The following AP1M1 variants were observed in gnomAD, a reference collection of about 807,000 sequenced individuals.
AP1M1 encodes the protein AP-1 complex subunit mu-1.
In AP1M1, 18 loss-of-function variants were observed where a neutral mutation model predicts 57.1. That is an observed-to-expected ratio of 0.32 (90% confidence interval 0.22 to 0.47). The LOEUF is 0.47. AP1M1 is among the 20% of genes least tolerant of loss of function. AP1M1 has a pLI of 1.00. For synonymous variants in AP1M1, 241 were observed against 237.9 expected (o/e 1.01, Z -0.12); for missense variants, 362 against 593.5 (o/e 0.61, Z 4.05).
chr19:16,214,052 CTTTTTTTTTT>C (rs71178658), intron 5 of AP1M1, among the ~76,000 whole-genome samples: 1 of 139,512 alleles, frequency 7.2e-6, no homozygotes, highest in African/African-American at 2.6e-5. Context: ...TTTCCTTTTT[CTTTTTTTTTT>C]TTTTGAGACA....
At chr19:16,226,989 G>A (rs1051139875) in intron 6 of AP1M1, among the ~76,000 whole-genome samples, 1 of 152,184 alleles carries the variant, frequency 6.6e-6, no homozygotes, top group African/African-American at 2.4e-5. Flanking sequence ...GGGGCCCAGG[G>A]CCTGGTTTTG....
At position 16,228,263 on chromosome 19, in the gene AP1M1, AG is replaced by A; in HGVS notation, c.888+57del. ...CCTTCTGGTGTCTCTGGCCCGTCCCAGGAGCCTAACCGAGGGCTGGGGGTGC... is the reference window on the plus strand; with the variant it reads ...CCTTCTGGTGTCTCTGGCCCGTCCCAGAGCCTAACCGAGGGCTGGGGGTGC... On this transcript the variant is annotated intron_variant, in intron 8 of 11. Coordinates refer to ENST00000291439, the MANE Select transcript of AP1M1 (RefSeq NM_032493.4). The surrounding 1 kb of genome is among the most constrained non-coding windows in gnomAD (Gnocchi z 5.0). 1 of 1,577,518 alleles carries A rather than the reference AG, an allele frequency of 6.3e-7. No individual in the cohort carries two copies. Among genetic ancestry groups the A allele is most frequent in the Non-Finnish European group, 8.7e-7 (1 of 1,153,534 alleles).
Position 16,207,730 on chromosome 19 carries a change from G to C in AP1M1, c.268-289G>C, listed in dbSNP as rs1378576987. Among the ~76,000 whole-genome samples the C allele has an allele frequency of 6.6e-6, 1 of 152,122 alleles. No individual in the cohort carries two copies. Among genetic ancestry groups the C allele is most frequent in the Non-Finnish European group, 1.5e-5 (1 of 68,016 alleles). On this transcript the variant is annotated intron_variant, in intron 3 of 11. Transcript: ENST00000291439. The surrounding 1 kb of genome is among the most constrained non-coding windows in gnomAD (Gnocchi z 4.2). ...GGATGACAGTTACAGTCGCTCAGGA[G>C]GGGCTGCCTGTCTGCGGGTGTCTGG...
rs560791217 is a variant in AP1M1 at position 16,245,682 on chromosome 19, C to G, written c.*11247C>G. ...ATGACTTTTAGCTGGAGCATTAAGT[C>G]CCTTTACATTTAATGTAATAACTGA... On this transcript the variant is annotated 3_prime_UTR_variant, in exon 12 of 12. Transcript: ENST00000291439. 204 of 152,190 alleles carry G rather than the reference C, an allele frequency of 1.3e-3. No individual in the cohort carries two copies. The highest frequency in any genetic ancestry group is 4.4e-3 in the African/African-American group (182 of 41,540). 9.4% of individuals were successfully genotyped at this position (152,190 alleles called of 1,614,324 possible). A position where few individuals can be genotyped will look rare whatever the true frequency, so the allele number is the denominator to read the frequency against.
rs369281605 is a variant in AP1M1 at position 16,203,658 on chromosome 19, G to T, written c.199+43G>T. 2.6e-6 allele frequency: 4 copies of T among 1,558,110 alleles called. No homozygotes were observed. Among genetic ancestry groups the T allele is most frequent in the Admixed American group, 1.8e-5 (1 of 54,558 alleles). ...GTGCTCCCAGGGGACTCCTGTGTGGGTGTTGGTGTGTGTGCATATCCACAC... is the reference window on the plus strand; with the variant it reads ...GTGCTCCCAGGGGACTCCTGTGTGGTTGTTGGTGTGTGTGCATATCCACAC... On this transcript the variant is annotated intron_variant, in intron 2 of 11. Transcript: ENST00000291439. This position sits in a 1 kb window ranked among gnomAD's most constrained non-coding sequence, Gnocchi z 4.6.
At chr19:16,202,338 G>A (rs972033910) in intron 1 of AP1M1, among the ~76,000 whole-genome samples, 11 of 152,144 alleles carry the variant, frequency 7.2e-5, no homozygotes, top group African/African-American at 2.7e-4. Flanking sequence ...ATCTCCAACC[G>A]CAGCCATGCC....
Position 16,228,239 on chromosome 19 carries a change from C to T in AP1M1, c.888+31C>T. 1 of 1,608,812 alleles carries T rather than the reference C, an allele frequency of 6.2e-7. No homozygotes were observed. The highest frequency in any genetic ancestry group is 1.3e-5 in the African/African-American group (1 of 74,988). ...TGGGCCGAGGCCACCCACTGAGGGC[C>T]TTCTGGTGTCTCTGGCCCGTCCCAG... is the stretch of plus-strand genomic sequence containing the variant. On this transcript the variant is annotated intron_variant, in intron 8 of 11. Transcript: ENST00000291439. The surrounding 1 kb of genome is among the most constrained non-coding windows in gnomAD (Gnocchi z 5.0).
chr19:16,230,711 T>C (rs2091592229), intron 9 of AP1M1, among the ~76,000 whole-genome samples: 1 of 152,118 alleles, frequency 6.6e-6, no homozygotes, highest in Admixed American at 6.6e-5. Context: ...TAAACGTAAC[T>C]TTTACATGCA....
At position 16,236,852 on chromosome 19, in the gene AP1M1, C is replaced by G. The variant is rs1044147379; in HGVS notation, c.*2417C>G. The G allele has an allele frequency of 6.6e-6, 1 of 152,148 alleles. No individual in the cohort carries two copies. The allele number at this position is 152,148 out of a possible 1,614,324, so 9.4% of individuals were successfully genotyped here. On this transcript the variant is annotated 3_prime_UTR_variant, in exon 12 of 12. Transcript: ENST00000291439. Reference sequence around the variant, plus strand: ...ACATGAGGGCACATCCTGAAAATTACAAAACACGTGCATGAAAGCAAACTT... The same window carrying G: ...ACATGAGGGCACATCCTGAAAATTAGAAAACACGTGCATGAAAGCAAACTT...
chr19:16,202,308 C>T (rs1297905503), intron 1 of AP1M1, among the ~76,000 whole-genome samples: 1 of 152,234 alleles, frequency 6.6e-6, no homozygotes, highest in African/African-American at 2.4e-5. Flanking sequence ...GCCCCAAGAG[C>T]TGCAGCTGCT....
Position 16,207,933 on chromosome 19 carries a change from T to G in AP1M1, c.268-86T>G. 2 of 1,497,282 alleles carry G rather than the reference T, an allele frequency of 1.3e-6. No homozygotes were observed. Among genetic ancestry groups the G allele is most frequent in the Non-Finnish European group, 1.8e-6 (2 of 1,106,120 alleles). The allele number at this position is 1,497,282 out of a possible 1,614,324, so 92.7% of individuals were successfully genotyped here. Reference sequence around the variant, plus strand: ...CTGTTGGTAGGACTTAGCGGGCAAATGAATGTGTGCAAGCGTTCATTCATT... The same window carrying G: ...CTGTTGGTAGGACTTAGCGGGCAAAGGAATGTGTGCAAGCGTTCATTCATT... On this transcript the variant is annotated intron_variant, in intron 3 of 11. Coordinates refer to ENST00000291439, the MANE Select transcript of AP1M1 (RefSeq NM_032493.4). This position sits in a 1 kb window ranked among gnomAD's most constrained non-coding sequence, Gnocchi z 4.2.
intron 9 of AP1M1, among the ~76,000 whole-genome samples, chr19:16,231,791 A>G (rs1037986094): frequency 1.2e-4 from 18 of 152,228 alleles, no homozygotes; most frequent in Non-Finnish European, 1.6e-4. Flanking sequence ...TTTTGGGTGT[A>G]TCCCCAGAAG....
Position 16,238,051 on chromosome 19 carries a change from A to G in AP1M1, c.*3616A>G, listed in dbSNP as rs1340301226. ...GATGGGGTCTCGTCATTTTGTCCAC[A>G]CTGGTCTCCAACTCCTGGGCTTGAG... On this transcript the variant is annotated 3_prime_UTR_variant, in exon 12 of 12. Coordinates refer to ENST00000291439, the MANE Select transcript of AP1M1 (RefSeq NM_032493.4). 6.6e-6 allele frequency: 1 copy of G among 152,070 alleles called. No homozygotes were observed. The highest frequency in any genetic ancestry group is 1.5e-5 in the Non-Finnish European group (1 of 68,024). The allele number at this position is 152,070 out of a possible 1,614,324, so 9.4% of individuals were successfully genotyped here. A position where few individuals can be genotyped will look rare whatever the true frequency, so the allele number is the denominator to read the frequency against.
rs2091625571 is a variant in AP1M1 at position 16,236,538 on chromosome 19, A to C, written c.*2103A>C. On this transcript the variant is annotated 3_prime_UTR_variant, in exon 12 of 12. Coordinates refer to ENST00000291439, the MANE Select transcript of AP1M1 (RefSeq NM_032493.4). Reference sequence around the variant, plus strand: ...GGGCATCGGGAAGATGGTGAAATGCAGTGGAGATGACTCCTGCGTGAAGCT... The same window carrying C: ...GGGCATCGGGAAGATGGTGAAATGCCGTGGAGATGACTCCTGCGTGAAGCT... The C allele has an allele frequency of 6.6e-6, 1 of 152,214 alleles. No individual in the cohort carries two copies. Among genetic ancestry groups the C allele is most frequent in the Non-Finnish European group, 1.5e-5 (1 of 68,054 alleles). 9.4% of individuals were successfully genotyped at this position (152,214 alleles called of 1,614,324 possible).
chr19:16,236,786 A>G lies in AP1M1; in HGVS notation c.*2351A>G, dbSNP rs1320346556. The G allele has an allele frequency of 6.6e-6, 1 of 152,232 alleles. No individual in the cohort carries two copies. The highest frequency in any genetic ancestry group is 1.5e-5 in the Non-Finnish European group (1 of 68,050). 9.4% of individuals were successfully genotyped at this position (152,232 alleles called of 1,614,324 possible). ...AACCTCCCTGGAGGGACCTAACTTC[A>G]TGCCTTGTTACCTAAGATCCTCGCA... On this transcript the variant is annotated 3_prime_UTR_variant, in exon 12 of 12. Coordinates refer to ENST00000291439, the MANE Select transcript of AP1M1 (RefSeq NM_032493.4).
rs1440803864 is a variant in AP1M1, at chr19:16,241,030, G to A, written c.*6595G>A. 4 of 152,098 alleles carry A rather than the reference G, an allele frequency of 2.6e-5. No individual in the cohort carries two copies. The highest frequency in any genetic ancestry group is 4.4e-5 in the Non-Finnish European group (3 of 68,042). The allele number at this position is 152,098 out of a possible 1,614,324, so 9.4% of individuals were successfully genotyped here. A position where few individuals can be genotyped will look rare whatever the true frequency, so the allele number is the denominator to read the frequency against. On this transcript the variant is annotated 3_prime_UTR_variant, in exon 12 of 12. Coordinates refer to ENST00000291439, the MANE Select transcript of AP1M1 (RefSeq NM_032493.4). ...TTCTGAGCCCACCTCATCTGTAAAA[G>A]GTAGGACAAGCCGGGCATGGTGGCT...
In AP1M1 at chr19:16,207,146, G is replaced by A. The variant is rs560659796; in HGVS notation, c.267+738G>A. Among the ~76,000 whole-genome samples, 2 of 152,292 alleles carry A rather than the reference G, an allele frequency of 1.3e-5. No homozygotes were observed. Among genetic ancestry groups the A allele is most frequent in the South Asian group, 2.1e-4 (1 of 4,822 alleles). On this transcript the variant is annotated intron_variant, in intron 3 of 11. Coordinates refer to ENST00000291439, the MANE Select transcript of AP1M1 (RefSeq NM_032493.4). This position sits in a 1 kb window ranked among gnomAD's most constrained non-coding sequence, Gnocchi z 4.2. ...CTTCCCGGAGAGGATGGGCCTGGCC[G>A]AGGTGGGCTGTGGGGCTCACGAAAG...
chr19:16,206,823 A>G lies in AP1M1; in HGVS notation c.267+415A>G, dbSNP rs2091471398. ...GATGCCTGACGCCCACCTTGGAGAG[A>G]GCTGACACGCCAGGCCCAGGCTGCC... is the stretch of plus-strand genomic sequence containing the variant. On this transcript the variant is annotated intron_variant, in intron 3 of 11. Transcript: ENST00000291439. This position sits in a 1 kb window ranked among gnomAD's most constrained non-coding sequence, Gnocchi z 4.3. Among the ~76,000 whole-genome samples, 1 of 152,138 alleles carries G rather than the reference A, an allele frequency of 6.6e-6. No homozygotes were observed. The highest frequency in any genetic ancestry group is 1.5e-5 in the Non-Finnish European group (1 of 68,024).
At chr19:16,226,588 T>A (rs961274615) in intron 6 of AP1M1, 41 bp downstream of exon 6, 13 of 1,548,318 alleles carry the variant, frequency 8.4e-6, no homozygotes, top group Non-Finnish European at 1.1e-5. Context: ...GAGGATGGCC[T>A]CACCAGGCAC....
Sources: allele counts gnomAD v4.1 joint callset (sites outside exome capture counted in the v4.1 genomes callset), GRCh38; gene constraint gnomAD v4.1.1; non-coding constraint Gnocchi (gnomAD v3.1); transcripts MANE v1.5; gene names NCBI Gene and HGNC (gene_info 2026-07-23, HGNC 2026-07-21).